GCNT1: variants seen among roughly 807,000 people sequenced by gnomAD.
GCNT1 encodes glucosaminyl (N-acetyl) transferase 1.
GCNT1 carries 16 observed loss-of-function variants against 26.2 expected under a neutral mutation model. The observed-to-expected ratio is 0.61, with a 90% CI of 0.41 to 0.93. The LOEUF is 0.93. Ranked by LOEUF, GCNT1 falls within the 40% of genes least tolerant of loss-of-function variation. The pLI, the probability that GCNT1 is intolerant of heterozygous loss-of-function variation, is 0.00. For synonymous variants in GCNT1, 183 were observed against 190.8 expected (o/e 0.96, Z 0.34); for missense variants, 477 against 526.7 (o/e 0.91, Z 0.92).
At chr9:76,478,826 A>G (rs1379555986) in intron 2 of GCNT1, among the ~76,000 whole-genome samples, 1 of 152,240 alleles carries the variant, frequency 6.6e-6, no homozygotes, top group Non-Finnish European at 1.5e-5. Flanking sequence ...GTATGGGTAA[A>G]GCCATATATG....
intron 2 of GCNT1, among the ~76,000 whole-genome samples, chr9:76,470,657 T>A (rs1461815315): frequency 6.6e-6 from 1 of 150,590 alleles, no homozygotes; most frequent in Non-Finnish European, 1.5e-5. Flanking sequence ...ATACATTGTA[T>A]ACATGTCTTG....
chr9:76,458,239 G>A (rs1823792798), upstream of GCNT1, among the ~76,000 whole-genome samples: 1 of 129,578 alleles, frequency 7.7e-6, no homozygotes, highest in Admixed American at 9.2e-5. Context: ...CTGGAGTGCA[G>A]TGACACGATC....
chr9:76,477,387 A>G, intron 2 of GCNT1, among the ~76,000 whole-genome samples: 1 of 151,750 alleles, frequency 6.6e-6, no homozygotes, highest in East Asian at 2.0e-4. Context: ...TTAGCTAGGC[A>G]TGGTGGTGCG....
At chr9:76,409,736 G>A in the GCNT1 span, among the ~76,000 whole-genome samples, 2 of 152,074 alleles carry the variant, frequency 1.3e-5, no homozygotes, top group African/African-American at 2.4e-5. Flanking sequence ...ATGAGCCACC[G>A]CATCTGGCTG....
At chr9:76,429,834 C>T (rs1175990419) in intron 1 of GCNT1, among the ~76,000 whole-genome samples, 2 of 151,868 alleles carry the variant, frequency 1.3e-5, no homozygotes, top group African/African-American at 2.4e-5. Context: ...CCTGCCTCAG[C>T]CTCCTGAGTA....
At chr9:76,396,035 G>A in the GCNT1 span, among the ~76,000 whole-genome samples, 1 of 152,110 alleles carries the variant, frequency 6.6e-6, no homozygotes, top group Non-Finnish European at 1.5e-5. Flanking sequence ...ATGCAAGAAT[G>A]GTATATTTTT....
chr9:76,395,287 T>A, the GCNT1 span, among the ~76,000 whole-genome samples: 1 of 152,262 alleles, frequency 6.6e-6, no homozygotes, highest in Non-Finnish European at 1.5e-5. Flanking sequence ...TTTATTTTTT[T>A]AAATTTTTAA....
intron 2 of GCNT1, among the ~76,000 whole-genome samples, chr9:76,494,210 G>A (rs1487028195): frequency 1.3e-5 from 2 of 152,154 alleles, no homozygotes; most frequent in Non-Finnish European, 2.9e-5. Flanking sequence ...AGTGGCCCTT[G>A]CTGACGCATT....
chr9:76,465,157 T>TG (rs976376572), intron 2 of GCNT1, among the ~76,000 whole-genome samples: 2 of 150,362 alleles, frequency 1.3e-5, no homozygotes, highest in African/African-American at 4.9e-5. Context: ...TGATTTGAGT[T>TG]TTTTTTTTTT....
intron 1 of GCNT1, among the ~76,000 whole-genome samples, chr9:76,444,722 A>T (rs911600179): frequency 6.6e-6 from 1 of 152,018 alleles, no homozygotes; most frequent in African/African-American, 2.4e-5. Context: ...TCTTCCAGAA[A>T]CTCCCTTTTC....
chr9:76,496,450 T>C (rs72747373), intron 2 of GCNT1, among the ~76,000 whole-genome samples: 12,539 of 152,192 alleles, frequency 0.082, 576 homozygotes, highest in Middle Eastern at 0.17. Flanking sequence ...ATATGCTTTT[T>C]CAGTTTCCTC....
chr9:76,506,370 C>G lies in GCNT1; in HGVS notation c.*2702C>G, dbSNP rs12342009. ...CCTAGCCAACATGACGAAACCCCAT[C>G]TCTACTGAAAATAGAAAAAAAAAAT... On this transcript the variant is annotated 3_prime_UTR_variant, in exon 4 of 4. Transcript: ENST00000376730. The G allele has an allele frequency of 0.071, 11,859 of 166,840 alleles. 1,472 individuals are homozygous for G. Among genetic ancestry groups the G allele is most frequent in the African/African-American group, 0.27 (11,151 of 41,400 alleles). The allele number at this position is 166,840 out of a possible 1,614,324, so 10.3% of individuals were successfully genotyped here. A position where few individuals can be genotyped will look rare whatever the true frequency, so the allele number is the denominator to read the frequency against.
intron 2 of GCNT1, among the ~76,000 whole-genome samples, chr9:76,482,600 G>A (rs1197604121): frequency 1.3e-5 from 2 of 151,830 alleles, no homozygotes; most frequent in African/African-American, 4.8e-5. Context: ...CTTCAGCCTG[G>A]GCAACAGAGG....
intron 1 of GCNT1, among the ~76,000 whole-genome samples, chr9:76,447,591 C>T (rs987913241): frequency 1.3e-5 from 2 of 152,098 alleles, no homozygotes; most frequent in East Asian, 3.9e-4. Flanking sequence ...TGTATGTAAA[C>T]ACTAGGACTG....
intron 1 of GCNT1, among the ~76,000 whole-genome samples, chr9:76,452,533 A>C (rs1432283654): frequency 6.6e-6 from 1 of 152,168 alleles, no homozygotes; most frequent in Admixed American, 6.5e-5. Flanking sequence ...GGGAGGCCTC[A>C]GGAAACTTAC....
rs1825117088 is a variant in GCNT1, at chr9:76,502,794, G to A, written c.413G>A (p.Arg138Lys). The A allele has an allele frequency of 6.2e-7, 1 of 1,614,026 alleles. No individual in the cohort carries two copies. The highest frequency in any genetic ancestry group is 1.3e-5 in the African/African-American group (1 of 74,922). ...VVHHKIEMLDRLLRAIYMPQN... is the reference protein window; with the variant it reads ...VVHHKIEMLDKLLRAIYMPQN... The stretch of plus-strand genomic sequence containing the variant: ...CATCACAAGATTGAAATGCTTGACA[G>A]GCTGCTGAGGGCCATCTATATGCCT... The change falls in exon 4 of 4, where the codon AGG (arginine) becomes AAG (lysine). Residue 138 changes from arginine (R) to lysine (K), a missense_variant. Physicochemically the swap from Arg to Lys is conservative, Grantham distance 26 (BLOSUM62 2). Coordinates refer to ENST00000376730, the MANE Select transcript of GCNT1 (RefSeq NM_001490.5).
intron 2 of GCNT1, among the ~76,000 whole-genome samples, chr9:76,479,576 C>G (rs1202615637): frequency 6.6e-6 from 1 of 152,228 alleles, no homozygotes; most frequent in Non-Finnish European, 1.5e-5. Flanking sequence ...GATGGTATCT[C>G]ATTGCAGTTT....
At chr9:76,444,270 G>C (rs1284808510) in intron 1 of GCNT1, among the ~76,000 whole-genome samples, 1 of 152,208 alleles carries the variant, frequency 6.6e-6, no homozygotes, top group Non-Finnish European at 1.5e-5. Context: ...GTCCAGACTA[G>C]AGATAGAAAT....
At chr9:76,425,653 CAGAA>C (rs1259828889) in intron 1 of GCNT1, among the ~76,000 whole-genome samples, 1 of 152,130 alleles carries the variant, frequency 6.6e-6, no homozygotes, top group Non-Finnish European at 1.5e-5. Context: ...AATTGTAACA[CAGAA>C]AGAGTTTAAT....
Sources: gnomAD v4.1 joint callset for allele counts (sites outside exome capture counted in the v4.1 genomes callset) on GRCh38, gnomAD v4.1.1 for gene constraint, MANE v1.5 for transcripts, NCBI Gene and HGNC (gene_info 2026-07-23, HGNC 2026-07-21) for gene names.